LRRC28: variants seen among roughly 807,000 people sequenced by gnomAD.
LRRC28 encodes the protein leucine-rich repeat-containing protein 28.
Under a neutral mutation model 45.7 loss-of-function variants are expected in LRRC28, and 39 were observed. The observed-to-expected ratio is 0.85, with a 90% confidence interval of 0.66 to 1.12. The LOEUF is 1.12. LRRC28 is among the 50% of genes most tolerant of loss of function. LRRC28 has a pLI of 0.00. For synonymous variants in LRRC28, 206 were observed against 178.8 expected, an observed-to-expected ratio of 1.15 and a Z score of -1.22; for missense variants, 435 against 438.5, an observed-to-expected ratio of 0.99 and a Z score of 0.07.
chr15:99,265,508 G>A (rs1205013750), intron 2 of LRRC28, among the ~76,000 whole-genome samples: 1 of 152,170 alleles, frequency 6.6e-6, no homozygotes, highest in East Asian at 1.9e-4. Flanking sequence ...ATGATGACAC[G>A]GTCTTAGTGT....
intron 2 of LRRC28, 56 bp from the exon 3 acceptor site, chr15:99,276,520 G>A (rs1290760666): frequency 1.5e-6 from 2 of 1,374,952 alleles, no homozygotes; most frequent in East Asian, 2.5e-5. Flanking sequence ...AAACAAATTA[G>A]AAATGTTTAG....
chr15:99,325,145 C>G (rs1479822471), intron 5 of LRRC28, among the ~76,000 whole-genome samples: 1 of 152,018 alleles, frequency 6.6e-6, no homozygotes, highest in African/African-American at 2.4e-5. Flanking sequence ...AAGTTTTGTA[C>G]TACTTTTGTT....
At chr15:99,321,267 G>A (rs1334999819) in intron 5 of LRRC28, among the ~76,000 whole-genome samples, 1 of 152,108 alleles carries the variant, frequency 6.6e-6, no homozygotes, top group Non-Finnish European at 1.5e-5. Flanking sequence ...ATCTTGAAGG[G>A]CAATATTTAT....
At chr15:99,315,537 T>C (rs1955563051) in intron 5 of LRRC28, among the ~76,000 whole-genome samples, 1 of 152,240 alleles carries the variant, frequency 6.6e-6, no homozygotes, top group African/African-American at 2.4e-5. Context: ...TTGATTAAAC[T>C]CAATTTTGAA....
chr15:99,301,065 A>G (rs1954951390), intron 5 of LRRC28, among the ~76,000 whole-genome samples: 1 of 152,176 alleles, frequency 6.6e-6, no homozygotes, highest in African/African-American at 2.4e-5. Flanking sequence ...CAGTATTTTT[A>G]TCCATCAGAG....
At chr15:99,298,723 T>G (rs2082326100) in intron 5 of LRRC28, among the ~76,000 whole-genome samples, 2 of 152,326 alleles carry the variant, frequency 1.3e-5, no homozygotes, top group African/African-American at 4.8e-5. Flanking sequence ...AGAGGTCTAA[T>G]TGTGAGATGG....
Position 99,361,353 on chromosome 15 carries a change from A to C in LRRC28, c.713A>C (p.Gln238Pro). Residue 238 changes from glutamine (Q) to proline (P), a missense_variant, in exon 8 of 10, where the codon CAA (glutamine) becomes CCA (proline). Gln to Pro is a moderately conservative substitution (Grantham distance 76). Coordinates refer to ENST00000301981, the MANE Select transcript of LRRC28 (RefSeq NM_144598.5). ...IGCSGCGAPI[Q>P]VSEVKLLSFS... ...TTCTGCAGCTGTGGTGCTCCCATTC[A>C]AGTTTCCGAGGTGAAGCTGCTTTCC... 1 of 1,612,988 alleles carries C rather than the reference A, an allele frequency of 6.2e-7. No homozygotes were observed.
At chr15:99,378,496 T>C (rs1405272307) in intron 9 of LRRC28, among the ~76,000 whole-genome samples, 2 of 152,226 alleles carry the variant, frequency 1.3e-5, no homozygotes, top group African/African-American at 4.8e-5. Flanking sequence ...CAGGGACAGT[T>C]TGACTTCCTC....
At chr15:99,284,928 C>T (rs2081916511) in intron 3 of LRRC28, 23 of 601,416 alleles carry the variant, frequency 3.8e-5, no homozygotes, top group South Asian at 1.6e-4. Flanking sequence ...GTTTCCTCCA[C>T]GACCAAAGTT....
chr15:99,344,683 A>T (rs1432401883), intron 6 of LRRC28, among the ~76,000 whole-genome samples: 2 of 152,270 alleles, frequency 1.3e-5, no homozygotes, highest in Non-Finnish European at 2.9e-5. Flanking sequence ...TATAAAATTA[A>T]CATAGGGAAA....
In LRRC28 at chr15:99,255,836, G is replaced by A. The variant is rs576034502; in HGVS notation, c.-60-62G>A. 8.5e-6 allele frequency: 9 copies of A among 1,064,432 alleles called. No individual in the cohort carries two copies. The African/African-American group carries it at 1.3e-4, about 15-fold the overall frequency. 65.9% of individuals were successfully genotyped at this position (1,064,432 alleles called of 1,614,324 possible). On this transcript the variant is annotated intron_variant, in intron 1 of 9. Coordinates refer to ENST00000301981, the MANE Select transcript of LRRC28 (RefSeq NM_144598.5). ...TTCAAGTGGCTCTGTGTGCTAACTG[G>A]TTTATATGGCAATTCTTGTAAAAAA...
intron 5 of LRRC28, among the ~76,000 whole-genome samples, chr15:99,301,930 CT>C (rs897249899): frequency 2.7e-4 from 40 of 149,528 alleles, no homozygotes; most frequent in South Asian, 2.6e-3. Context: ...CCATACATCA[CT>C]TTTTTTTTTC....
At chr15:99,358,487 T>A (rs1251655517) in intron 7 of LRRC28, among the ~76,000 whole-genome samples, 1 of 148,250 alleles carries the variant, frequency 6.7e-6, no homozygotes, top group African/African-American at 2.5e-5. Context: ...AAGAAAAAAA[T>A]TGAACAATAA....
At chr15:99,269,195 T>A (rs893492629) in intron 2 of LRRC28, among the ~76,000 whole-genome samples, 3 of 152,260 alleles carry the variant, frequency 2.0e-5, no homozygotes, top group Admixed American at 1.3e-4. Context: ...TAAAATATTT[T>A]CATTTACATT....
At chr15:99,380,929 G>C (rs1220245074) in intron 9 of LRRC28, among the ~76,000 whole-genome samples, 3 of 152,176 alleles carry the variant, frequency 2.0e-5, no homozygotes, top group Non-Finnish European at 4.4e-5. Context: ...TTTCCTTTGT[G>C]GGTAACCCGA....
intron 2 of LRRC28, chr15:99,257,687 C>T (rs1374375050): frequency 1.3e-6 from 1 of 760,484 alleles, no homozygotes; most frequent in Non-Finnish European, 2.4e-6. Flanking sequence ...TCGGGTCGGT[C>T]AGAGCTGTTG....
At chr15:99,298,828 C>A (rs2082329195) in intron 5 of LRRC28, among the ~76,000 whole-genome samples, 1 of 152,086 alleles carries the variant, frequency 6.6e-6, no homozygotes, top group Non-Finnish European at 1.5e-5. Context: ...CCTGCCTCAG[C>A]CTCCCAAGCA....
In LRRC28 at chr15:99,287,839, A is replaced by G. The variant is rs777683476; in HGVS notation, c.273A>G (p.Gln91=). 5.1e-5 allele frequency: 83 copies of G among 1,612,818 alleles called. No homozygotes were observed. Among genetic ancestry groups the G allele is most frequent in the Non-Finnish European group, 6.3e-5 (74 of 1,179,396 alleles). ...PEAIGSLVKL[Q]CLDLSDNALE... ...CCATTGGGTCTCTTGTAAAACTCCA[A>G]TGTCTGGATCTTAGTGACAATGCCT... Residue 91 remains glutamine, a synonymous_variant, in exon 5 of 10, where the codon CAA becomes CAG. Coordinates refer to ENST00000301981, the MANE Select transcript of LRRC28 (RefSeq NM_144598.5).
chr15:99,263,983 G>T (rs2081268994), intron 2 of LRRC28, among the ~76,000 whole-genome samples: 1 of 152,198 alleles, frequency 6.6e-6, no homozygotes, highest in African/African-American at 2.4e-5. Context: ...GCCTTGAGCA[G>T]TGGTTTTATA....
Sources: gnomAD v4.1 joint callset for allele counts (sites outside exome capture counted in the v4.1 genomes callset) on GRCh38, gnomAD v4.1.1 for gene constraint, MANE v1.5 for transcripts, NCBI Gene and HGNC (gene_info 2026-07-23, HGNC 2026-07-21) for gene names.